Variants in ABLIM2 observed in about 807,000 individuals in gnomAD.
The protein encoded by ABLIM2 is actin binding LIM protein family member 2, also known as actin-binding LIM protein 2.
A neutral mutation model predicts 97.7 loss-of-function variants in ABLIM2; 53 were observed. That is an observed-to-expected ratio of 0.54 (90% confidence interval 0.44 to 0.68). The LOEUF (loss-of-function observed/expected upper bound fraction) is 0.68, where lower values mean the gene tolerates loss of function less well. Among genes scored for constraint, ABLIM2 ranks in the 30% least tolerant of loss-of-function variants. The probability of loss-of-function intolerance (pLI) is 0.00; values close to 1 mark genes in which losing one functional copy is unlikely to be tolerated. For synonymous variants in ABLIM2, 361 were observed against 345.8 expected, an observed-to-expected ratio of 1.04 and a Z score of -0.49; for missense variants, 835 against 867.2, an observed-to-expected ratio of 0.96 and a Z score of 0.47.
chr4:8,078,340 C>T (rs1383529078), intron 5 of ABLIM2, among the ~76,000 whole-genome samples: 2 of 152,254 alleles, frequency 1.3e-5, no homozygotes, highest in Admixed American at 6.5e-5. Flanking sequence ...CCCCTCTCCC[C>T]ACGCACACGT....
chr4:8,132,768 G>A lies in ABLIM2; in HGVS notation c.10+25912C>T, dbSNP rs893481376. ...AGCGACTGAACCTCTTAGAGCCTCA[G>A]TTTCCTCATCTGTAAATGGGGATAC... On this transcript the variant is annotated intron_variant, in intron 1 of 20. Transcript: ENST00000447017. This position sits in a 1 kb window ranked among gnomAD's most constrained non-coding sequence, Gnocchi z 8.0. 6.6e-6 allele frequency among the ~76,000 whole-genome samples: 1 copy of A among 152,208 alleles called. No individual in the cohort carries two copies. Among genetic ancestry groups the A allele is most frequent in the Admixed American group, 6.5e-5 (1 of 15,280 alleles).
rs181200175 is a variant in ABLIM2, at chr4:8,150,082, T to C, written c.10+8598A>G. Among the ~76,000 whole-genome samples, 797 of 152,216 alleles carry C rather than the reference T, an allele frequency of 5.2e-3. 7 individuals carry two copies. Among genetic ancestry groups the C allele is most frequent in the African/African-American group, 0.018 (760 of 41,526 alleles). The stretch of plus-strand genomic sequence containing the variant: ...CTCAGGGAGCCTAAATGGAGAGAGT[T>C]GTGGGGCAAAGGGGTTGGAACATCA... On this transcript the variant is annotated intron_variant, in intron 1 of 20. Transcript: ENST00000447017. This position sits in a 1 kb window ranked among gnomAD's most constrained non-coding sequence, Gnocchi z 6.3.
At position 8,005,308 on chromosome 4, in the gene ABLIM2, T is replaced by A. The variant is rs1247165468; in HGVS notation, c.1618+2751A>T. ...GCCCCGCTCAGCGTCTGGCACAGAG[T>A]GGGTGCTCAATAAATACCCGTTGAA... On this transcript the variant is annotated intron_variant, in intron 16 of 20. Transcript: ENST00000447017. The surrounding 1 kb of genome is among the most constrained non-coding windows in gnomAD (Gnocchi z 4.9). 1.9e-6 allele frequency: 1 copy of A among 531,310 alleles called. No homozygotes were observed. Among genetic ancestry groups the A allele is most frequent in the Admixed American group, 1.9e-5 (1 of 51,566 alleles). 32.9% of individuals were successfully genotyped at this position (531,310 alleles called of 1,614,324 possible).
chr4:8,158,760 GC>G lies in ABLIM2; in HGVS notation c.-72del. On this transcript the variant is annotated 5_prime_UTR_variant, in exon 1 of 21. Coordinates refer to ENST00000447017, the MANE Select transcript of ABLIM2 (RefSeq NM_001130083.2). ...AGACCCTCGGGCCCGCAGGTGCCGCGCCCGCGCTATCCTCCGCCCGCCCGCC... is the reference window on the plus strand; with the variant it reads ...AGACCCTCGGGCCCGCAGGTGCCGCGCCGCGCTATCCTCCGCCCGCCCGCC... The G allele has an allele frequency of 7.7e-7, 1 of 1,299,992 alleles. No homozygotes were observed. Among genetic ancestry groups the G allele is most frequent in the Non-Finnish European group, 9.8e-7 (1 of 1,024,144 alleles). The allele number at this position is 1,299,992 out of a possible 1,614,324, so 80.5% of individuals were successfully genotyped here. A position where few individuals can be genotyped will look rare whatever the true frequency, so the allele number is the denominator to read the frequency against.
intron 3 of ABLIM2, among the ~76,000 whole-genome samples, chr4:8,092,742 T>C (rs1035756521): frequency 1.3e-5 from 2 of 152,214 alleles, no homozygotes; most frequent in African/African-American, 4.8e-5. Context: ...GGCTTGCGTT[T>C]GACCCCAGGC....
intron 8 of ABLIM2, among the ~76,000 whole-genome samples, chr4:8,047,585 A>G (rs73797049): frequency 0.091 from 13,788 of 152,278 alleles, 652 homozygotes; most frequent in East Asian, 0.18. Context: ...CTGTTTGCAA[A>G]GTAGACAGCT....
chr4:8,065,667 T>C (rs1265069600), intron 6 of ABLIM2, among the ~76,000 whole-genome samples: 12 of 152,184 alleles, frequency 7.9e-5, no homozygotes, highest in Non-Finnish European at 1.5e-5. Flanking sequence ...CTCAAGCCTG[T>C]AATCCCAGCA....
intron 1 of ABLIM2, among the ~76,000 whole-genome samples, chr4:8,109,058 G>A (rs968449233): frequency 5.9e-5 from 9 of 152,220 alleles, no homozygotes; most frequent in African/African-American, 9.6e-5. Context: ...GAAACCCCGC[G>A]TAGCATGTCC....
At chr4:8,145,865 G>C (rs957940977) in intron 1 of ABLIM2, among the ~76,000 whole-genome samples, 1 of 151,690 alleles carries the variant, frequency 6.6e-6, no homozygotes, top group African/African-American at 2.4e-5. Context: ...TCTCAAAATA[G>C]AGTATCTCAG....
chr4:8,006,712 G>C (rs1761566049), intron 16 of ABLIM2, among the ~76,000 whole-genome samples: 1 of 152,194 alleles, frequency 6.6e-6, no homozygotes, highest in South Asian at 2.1e-4. Context: ...ATCCGAGAGA[G>C]AGGGACCGGA....
intron 12 of ABLIM2, among the ~76,000 whole-genome samples, chr4:8,024,018 A>G (rs1326310955): frequency 6.6e-6 from 1 of 152,180 alleles, no homozygotes; most frequent in Non-Finnish European, 1.5e-5. Context: ...CTCAACCACA[A>G]TCACCCTGAG....
At position 8,118,358 on chromosome 4, in the gene ABLIM2, G is replaced by A. The variant is rs563695026; in HGVS notation, c.11-11721C>T. 6.6e-5 allele frequency among the ~76,000 whole-genome samples: 10 copies of A among 152,322 alleles called. No homozygotes were observed. In the East Asian group the frequency reaches 1.7e-3, roughly 26 times the overall value. ...ATGAGACTCGTCCTCCAATCCCACA[G>A]GGTTGTAGGGAGGCCTCTGTCTTGC... On this transcript the variant is annotated intron_variant, in intron 1 of 20. Transcript: ENST00000447017.
rs964805112 is a variant in ABLIM2 at position 8,067,618 on chromosome 4, A to G, written c.676-6564T>C. ...CTCCATGTTCTGGAACAATCCACCC[A>G]TGGTGGAGGGGCAGGGCTGGAGGGC... On this transcript the variant is annotated intron_variant, in intron 6 of 20. Coordinates refer to ENST00000447017, the MANE Select transcript of ABLIM2 (RefSeq NM_001130083.2). This position sits in a 1 kb window ranked among gnomAD's most constrained non-coding sequence, Gnocchi z 5.4. The G allele has an allele frequency of 2.0e-5, 3 of 152,228 alleles. No individual in the cohort carries two copies. The highest frequency in any genetic ancestry group is 7.2e-5 in the African/African-American group (3 of 41,458). 9.4% of individuals were successfully genotyped at this position (152,228 alleles called of 1,614,324 possible).
intron 2 of ABLIM2, among the ~76,000 whole-genome samples, chr4:8,105,648 G>T (rs1000045997): frequency 2.2e-4 from 34 of 152,218 alleles, no homozygotes; most frequent in Admixed American, 7.2e-4. Flanking sequence ...TGGCCCAGGG[G>T]GCCGTCATAC....
intron 8 of ABLIM2, among the ~76,000 whole-genome samples, chr4:8,045,478 G>A (rs1471280068): frequency 6.6e-6 from 1 of 152,208 alleles, no homozygotes; most frequent in Admixed American, 6.5e-5. Flanking sequence ...GTGAAACCCT[G>A]TCTCTACTAA....
chr4:8,072,536 C>G lies in ABLIM2; in HGVS notation c.675+5092G>C, dbSNP rs1177537047. Among the ~76,000 whole-genome samples the G allele has an allele frequency of 1.3e-5, 2 of 152,232 alleles. No homozygotes were observed. Among genetic ancestry groups the G allele is most frequent in the Non-Finnish European group, 2.9e-5 (2 of 68,038 alleles). On this transcript the variant is annotated intron_variant, in intron 6 of 20. Transcript: ENST00000447017. This position sits in a 1 kb window ranked among gnomAD's most constrained non-coding sequence, Gnocchi z 5.8. ...CTGACTGCACCCAAGATACACCCCA[C>G]TTTAGGCCACCAGATGTTCCAACGT...
rs1221026888 is a variant in ABLIM2, at chr4:8,072,632, C to A, written c.675+4996G>T. On this transcript the variant is annotated intron_variant, in intron 6 of 20. Transcript: ENST00000447017. This position sits in a 1 kb window ranked among gnomAD's most constrained non-coding sequence, Gnocchi z 5.8. ...GGAGAAGACAAAGGGTTGGGGGAAA[C>A]CTGCGCACCCCGGGCTCCAGTCTGG... 6.6e-6 allele frequency among the ~76,000 whole-genome samples: 1 copy of A among 152,222 alleles called. No homozygotes were observed. Among genetic ancestry groups the A allele is most frequent in the Non-Finnish European group, 1.5e-5 (1 of 68,036 alleles).
In ABLIM2 at chr4:8,046,569, C is replaced by T. The variant is rs542520614; in HGVS notation, c.823-1328G>A. Among the ~76,000 whole-genome samples, 9 of 152,262 alleles carry T rather than the reference C, an allele frequency of 5.9e-5. No homozygotes were observed. The highest frequency in any genetic ancestry group is 1.9e-4 in the African/African-American group (8 of 41,546). ...CCCGACCACAGCCCCCACTGCAGCTCCCTCCTCTCATTTTCTGAGTAGACC... is the reference window on the plus strand; with the variant it reads ...CCCGACCACAGCCCCCACTGCAGCTTCCTCCTCTCATTTTCTGAGTAGACC... On this transcript the variant is annotated intron_variant, in intron 8 of 20. Transcript: ENST00000447017. This position sits in a 1 kb window ranked among gnomAD's most constrained non-coding sequence, Gnocchi z 4.4.
At chr4:8,088,031 C>T (rs1207786547) in intron 4 of ABLIM2, 138 bp downstream of exon 4, 9 of 327,558 alleles carry the variant, frequency 2.7e-5, no homozygotes, top group African/African-American at 1.2e-4. Flanking sequence ...TACTCAGCAC[C>T]GCCCCCACTC....
Sources: allele counts gnomAD v4.1 joint callset (sites outside exome capture counted in the v4.1 genomes callset), GRCh38; gene constraint gnomAD v4.1.1; non-coding constraint Gnocchi (gnomAD v3.1); transcripts MANE v1.5; gene names NCBI Gene and HGNC (gene_info 2026-07-23, HGNC 2026-07-21).